The following GNAZ variants were observed in gnomAD, a reference collection of about 807,000 sequenced individuals.
The protein encoded by GNAZ is guanine nucleotide-binding protein G(z) subunit alpha.
GNAZ carries 3 observed loss-of-function variants against 25.4 expected under a neutral mutation model. The ratio of observed to expected loss-of-function variants is 0.12; its 90% CI spans 0.05 to 0.30. GNAZ has a LOEUF of 0.30. GNAZ is among the 10% of genes least tolerant of loss of function. The pLI is 1.00. For synonymous variants in GNAZ, 211 were observed against 205.7 expected (o/e 1.03, Z -0.22); for missense variants, 241 against 501.8 (o/e 0.48, Z 4.97).
At chr22:23,078,284 C>T (rs1170459030) in intron 1 of GNAZ, among the ~76,000 whole-genome samples, 2 of 152,242 alleles carry the variant, frequency 1.3e-5, no homozygotes, top group African/African-American at 4.8e-5. Flanking sequence ...TCTTTGTCCT[C>T]GGCCAAAATC....
chr22:23,100,656 C>T (rs531992512), intron 2 of GNAZ, among the ~76,000 whole-genome samples: 41 of 152,242 alleles, frequency 2.7e-4, no homozygotes, highest in Non-Finnish European at 5.3e-4. Context: ...CAGGTCCACA[C>T]CCACCCGGCA....
rs891790725 is a variant in GNAZ at position 23,123,338 on chromosome 22, C to T, written c.975C>T (p.Thr325=). The T allele has an allele frequency of 6.2e-7, 1 of 1,614,014 alleles. No individual in the cohort carries two copies. The part of the protein sequence containing the change: ...KETKEIYSHF[T]CATDTSNIQF... ...CCAAGGAGATCTACTCCCACTTCAC[C>T]TGCGCCACCGACACCAGTAACATCC... Residue 325 remains threonine, a synonymous_variant, in exon 3 of 3, where the codon ACC becomes ACT. Coordinates refer to ENST00000615612, the MANE Select transcript of GNAZ (RefSeq NM_002073.4).
intron 1 of GNAZ, among the ~76,000 whole-genome samples, chr22:23,093,344 T>TTCCC (rs1203060409): frequency 6.6e-6 from 1 of 152,188 alleles, no homozygotes; most frequent in Non-Finnish European, 1.5e-5. Context: ...CATTGATTCC[T>TTCCC]TCCCTCCCTC....
chr22:23,122,892 G>T (rs1391690346), intron 2 of GNAZ, among the ~76,000 whole-genome samples, 195 bp from the exon 3 acceptor site: 1 of 152,248 alleles, frequency 6.6e-6, no homozygotes, highest in Non-Finnish European at 1.5e-5. Context: ...CTGGCAAGGA[G>T]GGTGCTGCCG....
At chr22:23,113,843 G>A (rs537396664) in intron 2 of GNAZ, among the ~76,000 whole-genome samples, 26 of 152,378 alleles carry the variant, frequency 1.7e-4, no homozygotes, top group African/African-American at 5.3e-4. Flanking sequence ...ACAGAGCTCT[G>A]GGAAATGGAG....
At chr22:23,072,735 G>A (rs941542013) in intron 1 of GNAZ, among the ~76,000 whole-genome samples, 2 of 152,230 alleles carry the variant, frequency 1.3e-5, no homozygotes, top group Non-Finnish European at 2.9e-5. Context: ...GACCTGGCAT[G>A]TGACTGTGGG....
intron 1 of GNAZ, among the ~76,000 whole-genome samples, chr22:23,081,962 A>G (rs1273729634): frequency 1.3e-5 from 2 of 150,956 alleles, no homozygotes; most frequent in Admixed American, 6.6e-5. Context: ...CATCTCTACT[A>G]AAAATACAAA....
rs755710400 is a variant in GNAZ, at chr22:23,096,391, C to T, written c.696C>T (p.Asp232=). 6 of 1,610,806 alleles carry T rather than the reference C, an allele frequency of 3.7e-6. No individual in the cohort carries two copies. In the East Asian group the frequency reaches 1.3e-4, roughly 36 times the overall value. The change falls in exon 2 of 3, where the codon GAC becomes GAT. Residue 232 remains aspartate (D), a synonymous_variant. Transcript: ENST00000615612. ...IIFCVELSGY[D]LKLYEDNQTS... ...TCTGTGTGGAGCTCAGCGGCTACGA[C>T]CTGAAACTCTACGAGGATAACCAGA...
intron 1 of GNAZ, among the ~76,000 whole-genome samples, chr22:23,079,055 G>A (rs2068596122): frequency 6.6e-6 from 1 of 152,216 alleles, no homozygotes. Flanking sequence ...TTGATTTATT[G>A]GCACCTGCTT....
In GNAZ at chr22:23,095,953, G is replaced by C. The variant is rs569665480; in HGVS notation, c.258G>C (p.Arg86=). ...TCGACTCGCTGACCCGCATCATCCG[G>C]GCCCTGGCCGCCCTCAGGATCGACT... is the stretch of plus-strand genomic sequence containing the variant. ...NAIDSLTRII[R]ALAALRIDFH... The change falls in exon 2 of 3, where the codon CGG becomes CGC. Residue 86 remains arginine, a synonymous_variant. Coordinates refer to ENST00000615612, the MANE Select transcript of GNAZ (RefSeq NM_002073.4). 2.5e-6 allele frequency: 4 copies of C among 1,612,376 alleles called. No homozygotes were observed. Among genetic ancestry groups the C allele is most frequent in the African/African-American group, 2.7e-5 (2 of 75,066 alleles).
chr22:23,114,927 G>A lies in GNAZ; in HGVS notation c.724-8160G>A, dbSNP rs542090589. 2.6e-5 allele frequency among the ~76,000 whole-genome samples: 4 copies of A among 152,320 alleles called. No individual in the cohort carries two copies. The East Asian group carries it at 7.7e-4, about 29-fold the overall frequency. On this transcript the variant is annotated intron_variant, in intron 2 of 2. Transcript: ENST00000615612. ...GGTGAGGAAAGGGAGAGGGCAGTGG[G>A]GACTGCCATGAAGGCATCTCAGAAG...
chr22:23,096,934 A>G (rs535323843), intron 2 of GNAZ, among the ~76,000 whole-genome samples: 39 of 152,336 alleles, frequency 2.6e-4, no homozygotes, highest in African/African-American at 7.9e-4. Context: ...ACCTGGACCC[A>G]GTGTGAAGCG....
In GNAZ at chr22:23,124,768, C is replaced by T. The variant is rs1023915770; in HGVS notation, c.*1337C>T. The T allele has an allele frequency of 6.1e-6, 1 of 164,430 alleles. No homozygotes were observed. Among genetic ancestry groups the T allele is most frequent in the Non-Finnish European group, 1.3e-5 (1 of 75,138 alleles). 10.2% of individuals were successfully genotyped at this position (164,430 alleles called of 1,614,324 possible). ...TGCTGGGACCCTGATCTGGGCCTTC[C>T]TGTCCCAGGGCCTATGGGCAACTGC... On this transcript the variant is annotated 3_prime_UTR_variant, in exon 3 of 3. Transcript: ENST00000615612.
chr22:23,073,790 T>C (rs1387737516), intron 1 of GNAZ, among the ~76,000 whole-genome samples: 1 of 152,192 alleles, frequency 6.6e-6, no homozygotes, highest in Non-Finnish European at 1.5e-5. Context: ...TGCCAGGCAC[T>C]GTGCCAGGTG....
intron 1 of GNAZ, among the ~76,000 whole-genome samples, chr22:23,072,848 G>A (rs1357226165): frequency 6.6e-6 from 1 of 152,224 alleles, no homozygotes; most frequent in Admixed American, 6.5e-5. Flanking sequence ...GGCCCCACCA[G>A]AGTGGCCAGA....
chr22:23,119,752 C>T lies in GNAZ; in HGVS notation c.724-3335C>T, dbSNP rs147885128. 5.3e-5 allele frequency among the ~76,000 whole-genome samples: 8 copies of T among 152,300 alleles called. No individual in the cohort carries two copies. In the East Asian group the frequency reaches 1.4e-3, roughly 26 times the overall value. ...CGCTCTGAAGCTTCCTGTCTGAGCC[C>T]GGAAGTGAGGTATGTGGTTGGTGCC... On this transcript the variant is annotated intron_variant, in intron 2 of 2. Transcript: ENST00000615612.
chr22:23,089,230 G>C (rs1326681552), intron 1 of GNAZ, among the ~76,000 whole-genome samples: 2 of 152,244 alleles, frequency 1.3e-5, no homozygotes, highest in African/African-American at 4.8e-5. Flanking sequence ...GGCTTGGGCA[G>C]TGAGACCTTC....
chr22:23,121,579 G>A (rs537872967), intron 2 of GNAZ, among the ~76,000 whole-genome samples: 5 of 152,332 alleles, frequency 3.3e-5, no homozygotes, highest in Middle Eastern at 3.4e-3. Flanking sequence ...CTGGCAGCTC[G>A]TGTCCAGCTG....
At chr22:23,117,339 C>T (rs1317584522) in intron 2 of GNAZ, among the ~76,000 whole-genome samples, 3 of 152,238 alleles carry the variant, frequency 2.0e-5, no homozygotes, top group African/African-American at 4.8e-5. Flanking sequence ...TTCATCACAT[C>T]GGCCATTGCA....
Sources: gnomAD v4.1 joint callset for allele counts (sites outside exome capture counted in the v4.1 genomes callset) on GRCh38, gnomAD v4.1.1 for gene constraint, MANE v1.5 for transcripts, NCBI Gene and HGNC (gene_info 2026-07-23, HGNC 2026-07-21) for gene names.